Variants in CD80 observed in about 807,000 individuals in gnomAD.
CD80 encodes the protein CD80 molecule.
CD80 carries 13 observed loss-of-function variants against 27.1 expected under a neutral mutation model. The observed-to-expected ratio is 0.48, with a 90% CI of 0.31 to 0.76. The LOEUF is 0.76. Among genes scored for constraint, CD80 ranks in the 30% least tolerant of loss-of-function variants. The pLI, the probability that CD80 is intolerant of heterozygous loss-of-function variation, is 0.04. For missense variants in CD80, 277 were observed against 347.9 expected (o/e 0.80, Z 1.62); for synonymous variants, 125 against 125.5 (o/e 1.00, Z 0.03).
chr3:119,526,524 C>T (rs1276812066), intron 6 of CD80, among the ~76,000 whole-genome samples: 1 of 152,106 alleles, frequency 6.6e-6, no homozygotes, highest in Non-Finnish European at 1.5e-5. Context: ...TATGTGTAGG[C>T]TGCCAGGTTG....
At chr3:119,534,227 C>A (rs186680078) in intron 4 of CD80, among the ~76,000 whole-genome samples, 75 of 151,986 alleles carry the variant, frequency 4.9e-4, no homozygotes, top group Admixed American at 3.3e-3. Flanking sequence ...CATAAATTAG[C>A]CAGTTGTGGA....
At chr3:119,527,884 C>T (rs1432307973) in intron 5 of CD80, 43 bp from the exon 6 acceptor site, 1 of 1,533,658 alleles carries the variant, frequency 6.5e-7, no homozygotes, top group Admixed American at 1.7e-5. Flanking sequence ...AGTAAGTTTC[C>T]CTTGAATTGT....
chr3:119,544,526 G>C (rs1244945964), intron 3 of CD80, 24 bp downstream of exon 3: 1 of 1,603,574 alleles, frequency 6.2e-7, no homozygotes, highest in Non-Finnish European at 8.5e-7. Context: ...CCGGCCTAGA[G>C]TAAAATCAGA....
At position 119,544,554 on chromosome 3, in the gene CD80, G is replaced by C; in HGVS notation, c.414C>G (p.Val138=). The stretch of plus-strand genomic sequence containing the variant: ...AAATCAGAAAATCCCACCAACCTTT[G>C]ACTGATAACGTCACTTCAGCCAGGT... The part of the protein sequence containing the change: ...REHLAEVTLS[V]KADFPTPSIS... The change falls in exon 3 of 7, where the codon GTC becomes GTG. Residue 138 remains valine (V), a synonymous_variant. Transcript: ENST00000264246. 1 of 1,612,326 alleles carries C rather than the reference G, an allele frequency of 6.2e-7. No individual in the cohort carries two copies. Among genetic ancestry groups the C allele is most frequent in the Non-Finnish European group, 8.5e-7 (1 of 1,178,538 alleles).
intron 3 of CD80, among the ~76,000 whole-genome samples, chr3:119,542,735 T>G (rs1027605931): frequency 6.6e-6 from 1 of 152,224 alleles, no homozygotes; most frequent in Non-Finnish European, 1.5e-5. Context: ...TTATAGTTTA[T>G]AGTTTAAACA....
chr3:119,538,402 C>T lies in CD80; in HGVS notation c.419-984G>A, dbSNP rs568666631. Among the ~76,000 whole-genome samples, 7 of 152,198 alleles carry T rather than the reference C, an allele frequency of 4.6e-5. No homozygotes were observed. The South Asian group carries it at 1.5e-3, about 32-fold the overall frequency. On this transcript the variant is annotated intron_variant, in intron 3 of 6. Transcript: ENST00000264246. ...TAAACTATAGCGAACGCCTGAAAAC[C>T]CACCATCCAACTTGAGACCAAAAAC...
At chr3:119,537,493 T>C in intron 3 of CD80, 75 bp from the exon 4 acceptor site, 1 of 1,066,254 alleles carries the variant, frequency 9.4e-7, no homozygotes, top group Non-Finnish European at 1.3e-6. Context: ...TTTAAATAAT[T>C]TTCTAGCTTT....
intron 2 of CD80, among the ~76,000 whole-genome samples, chr3:119,552,016 A>G (rs976164280): frequency 1.2e-4 from 19 of 152,362 alleles, no homozygotes; most frequent in African/African-American, 4.3e-4. Flanking sequence ...TGGCGAATGC[A>G]TGGAAACTGC....
Position 119,557,829 on chromosome 3 carries a change from C to A in CD80, c.-101G>T. On this transcript the variant is annotated 5_prime_UTR_variant, in exon 2 of 7. Coordinates refer to ENST00000264246, the MANE Select transcript of CD80 (RefSeq NM_005191.4). ...AAAACAGGCAGGGCTGATGACAATC[C>A]AATTGCTCACGTAGAAGACCCTCCA... 1 of 636,318 alleles carries A rather than the reference C, an allele frequency of 1.6e-6. No individual in the cohort carries two copies. Among genetic ancestry groups the A allele is most frequent in the Non-Finnish European group, 2.7e-6 (1 of 371,214 alleles). The allele number at this position is 636,318 out of a possible 1,614,324, so 39.4% of individuals were successfully genotyped here.
At chr3:119,554,917 G>T (rs2107748467) in intron 2 of CD80, among the ~76,000 whole-genome samples, 1 of 152,296 alleles carries the variant, frequency 6.6e-6, no homozygotes, top group East Asian at 1.9e-4. Context: ...CACAGTCACT[G>T]TGGCTGCCCT....
intron 3 of CD80, among the ~76,000 whole-genome samples, chr3:119,542,432 T>C (rs2082174740): frequency 6.7e-6 from 1 of 148,580 alleles, no homozygotes; most frequent in Non-Finnish European, 1.5e-5. Flanking sequence ...AATCATTATG[T>C]TTTATTAAGT....
intron 3 of CD80, among the ~76,000 whole-genome samples, chr3:119,541,324 C>A (rs981656612): frequency 6.6e-6 from 1 of 152,170 alleles, no homozygotes; most frequent in African/African-American, 2.4e-5. Context: ...CCTAGTTAAG[C>A]TGTTAACGAA....
chr3:119,549,171 A>T (rs1202812447), intron 2 of CD80, among the ~76,000 whole-genome samples: 1 of 152,194 alleles, frequency 6.6e-6, no homozygotes, highest in Non-Finnish European at 1.5e-5. Flanking sequence ...AGGTACCCTA[A>T]ATGGATCCTA....
chr3:119,542,720 T>TTAGTTTA (rs1402123023), intron 3 of CD80, among the ~76,000 whole-genome samples: 1 of 152,200 alleles, frequency 6.6e-6, no homozygotes, highest in South Asian at 2.1e-4. Flanking sequence ...TGGTAGAAAC[T>TTAGTTTA]TAGTTTATAG....
chr3:119,531,757 G>A (rs973187300), intron 4 of CD80, among the ~76,000 whole-genome samples: 3 of 151,874 alleles, frequency 2.0e-5, no homozygotes, highest in Non-Finnish European at 2.9e-5. Context: ...TCTGCCTCCC[G>A]AGTTCAAGGA....
At chr3:119,540,556 A>T (rs1433867494) in intron 3 of CD80, among the ~76,000 whole-genome samples, 1 of 152,150 alleles carries the variant, frequency 6.6e-6, no homozygotes, top group African/African-American at 2.4e-5. Context: ...ATCCTATAAG[A>T]TCGACTCATG....
Position 119,557,701 on chromosome 3 carries a change from A to G in CD80, c.28T>C (p.Ser10Pro), listed in dbSNP as rs771745016. 6.2e-7 allele frequency: 1 copy of G among 1,613,586 alleles called. No homozygotes were observed. The highest frequency in any genetic ancestry group is 1.7e-5 in the Admixed American group (1 of 59,994). MGHTRRQGT[S>P]PSKCPYLNFF... ...TTGAGGTATGGACACTTGGATGGTGATGTTCCCTGCCTCCGTGTGTGGCCC... is the reference window on the plus strand; with the variant it reads ...TTGAGGTATGGACACTTGGATGGTGGTGTTCCCTGCCTCCGTGTGTGGCCC... Residue 10 changes from serine (S) to proline (P), a missense_variant, in exon 2 of 7, where the codon TCA becomes CCA. Coordinates refer to ENST00000264246, the MANE Select transcript of CD80 (RefSeq NM_005191.4).
intron 1 of CD80, among the ~76,000 whole-genome samples, 171 bp downstream of exon 1, chr3:119,559,269 T>C (rs1480192573): frequency 3.3e-5 from 5 of 152,266 alleles, no homozygotes; most frequent in African/African-American, 1.2e-4. Flanking sequence ...GCTCCAAATA[T>C]GTCGGGAAGC....
At chr3:119,525,860 G>A (rs1393022816) in intron 6 of CD80, 111 bp from the exon 7 acceptor site, 1 of 141,002 alleles carries the variant, frequency 7.1e-6, no homozygotes, top group Non-Finnish European at 1.5e-5. Context: ...AATTATATAT[G>A]TATATATGTA....
Sources: allele counts gnomAD v4.1 joint callset (sites outside exome capture counted in the v4.1 genomes callset), GRCh38; gene constraint gnomAD v4.1.1; transcripts MANE v1.5; gene names NCBI Gene and HGNC (gene_info 2026-07-23, HGNC 2026-07-21).